ZNF385B: variants seen among roughly 807,000 people sequenced by gnomAD.
ZNF385B encodes the protein zinc finger protein 533.
ZNF385B carries 23 observed loss-of-function variants against 39.2 expected under a neutral mutation model. That is an observed-to-expected ratio of 0.59 (90% confidence interval 0.42 to 0.83). The LOEUF (loss-of-function observed/expected upper bound fraction) is 0.83, where lower values mean the gene tolerates loss of function less well. Ranked by LOEUF, ZNF385B falls within the 40% of genes least tolerant of loss-of-function variation. The pLI is 0.00. For synonymous variants in ZNF385B, 205 were observed against 222.6 expected (o/e 0.92, Z 0.70); for missense variants, 552 against 598.9 (o/e 0.92, Z 0.82).
intron 1 of ZNF385B, among the ~76,000 whole-genome samples, chr2:179,790,421 C>G (rs1044722229): frequency 3.3e-5 from 5 of 152,124 alleles, no homozygotes; most frequent in African/African-American, 1.2e-4. Flanking sequence ...TAAGCTTTTA[C>G]CCAAATCCAC....
At chr2:179,854,828 A>T (rs1684455218) in intron 1 of ZNF385B, among the ~76,000 whole-genome samples, 1 of 152,226 alleles carries the variant, frequency 6.6e-6, no homozygotes, top group African/African-American at 2.4e-5. Context: ...TTGTGTTATT[A>T]AAAAAGTACA....
intron 3 of ZNF385B, among the ~76,000 whole-genome samples, chr2:179,594,833 G>C (rs1687869086): frequency 6.8e-6 from 1 of 147,720 alleles, no homozygotes; most frequent in Non-Finnish European, 1.5e-5. Context: ...TTTTAGACAA[G>C]GTCTCATTCT....
At chr2:179,818,846 A>G (rs1421157326) in intron 1 of ZNF385B, among the ~76,000 whole-genome samples, 2 of 152,140 alleles carry the variant, frequency 1.3e-5, no homozygotes, top group Non-Finnish European at 2.9e-5. Context: ...AAAACCCAAG[A>G]TAAACCTGGA....
chr2:179,820,812 G>C (rs1707355728), intron 1 of ZNF385B, among the ~76,000 whole-genome samples: 1 of 152,044 alleles, frequency 6.6e-6, no homozygotes, highest in Admixed American at 6.6e-5. Flanking sequence ...ATAAATGGTG[G>C]ATGTTTGCTT....
intron 1 of ZNF385B, among the ~76,000 whole-genome samples, chr2:179,853,820 C>T (rs968025626): frequency 6.6e-6 from 1 of 152,066 alleles, no homozygotes; most frequent in Non-Finnish European, 1.5e-5. Context: ...ACTTGGTAAA[C>T]GAAAGCACAG....
intron 1 of ZNF385B, among the ~76,000 whole-genome samples, chr2:179,858,966 T>C (rs910121869): frequency 6.6e-6 from 1 of 152,198 alleles, no homozygotes; most frequent in Non-Finnish European, 1.5e-5. Flanking sequence ...TCCAGGGACT[T>C]AAGATCCTTG....
chr2:179,640,969 A>T (rs887246871), intron 3 of ZNF385B, among the ~76,000 whole-genome samples: 1 of 152,164 alleles, frequency 6.6e-6, no homozygotes, highest in Non-Finnish European at 1.5e-5. Context: ...CTCTGAAAAG[A>T]GTTATTTTCC....
chr2:179,472,948 G>A (rs1345115561), intron 6 of ZNF385B, among the ~76,000 whole-genome samples: 1 of 152,150 alleles, frequency 6.6e-6, no homozygotes, highest in Admixed American at 6.6e-5. Flanking sequence ...TGAAAACAAA[G>A]AAAAAGAGCT....
chr2:179,718,324 A>T (rs1700462261), intron 3 of ZNF385B, among the ~76,000 whole-genome samples: 1 of 148,894 alleles, frequency 6.7e-6, no homozygotes, highest in African/African-American at 2.4e-5. Flanking sequence ...AATCAATGAT[A>T]TATATTATCA....
At chr2:179,799,348 G>A (rs1010843669) in intron 1 of ZNF385B, among the ~76,000 whole-genome samples, 1 of 152,014 alleles carries the variant, frequency 6.6e-6, no homozygotes, top group Admixed American at 6.6e-5. Context: ...TTTAAAAGCT[G>A]GCTATTTCTG....
At chr2:179,610,477 G>A (rs1405965126) in intron 3 of ZNF385B, among the ~76,000 whole-genome samples, 2 of 152,062 alleles carry the variant, frequency 1.3e-5, no homozygotes, top group African/African-American at 4.8e-5. Context: ...ATAATTTGAA[G>A]TTAGATACTG....
At chr2:179,772,430 T>G (rs985695968) in intron 1 of ZNF385B, among the ~76,000 whole-genome samples, 1 of 152,106 alleles carries the variant, frequency 6.6e-6, no homozygotes, top group African/African-American at 2.4e-5. Flanking sequence ...AAATCCCAAT[T>G]TATTAGTCCT....
chr2:179,692,604 C>T (rs139548877), intron 3 of ZNF385B, among the ~76,000 whole-genome samples: 30 of 152,308 alleles, frequency 2.0e-4, no homozygotes, highest in African/African-American at 7.2e-4. Context: ...ACATGTATTA[C>T]TGCACTTTGA....
intron 3 of ZNF385B, among the ~76,000 whole-genome samples, chr2:179,712,047 C>T (rs1700040443): frequency 1.3e-5 from 2 of 151,978 alleles, no homozygotes; most frequent in African/African-American, 2.4e-5. Context: ...CTATTGAAGT[C>T]AATAGGTTCT....
rs1379228198 is a variant in ZNF385B at position 179,442,262 on chromosome 2, C to T, written c.*988G>A. The T allele has an allele frequency of 6.6e-6, 1 of 152,484 alleles. No homozygotes were observed. The highest frequency in any genetic ancestry group is 1.5e-5 in the Non-Finnish European group (1 of 68,012). The allele number at this position is 152,484 out of a possible 1,614,324, so 9.4% of individuals were successfully genotyped here. On this transcript the variant is annotated 3_prime_UTR_variant, in exon 10 of 10. Transcript: ENST00000410066. ...TGTACATTATTGCATTAGGGAGCCA[C>T]AAAATTATGTAGCATCATTACAAAT...
intron 1 of ZNF385B, among the ~76,000 whole-genome samples, chr2:179,832,816 A>G (rs1708053563): frequency 6.6e-6 from 1 of 152,236 alleles, no homozygotes; most frequent in African/African-American, 2.4e-5. Context: ...CACATTATGC[A>G]ATTAATTTTT....
intron 4 of ZNF385B, among the ~76,000 whole-genome samples, chr2:179,542,733 G>A (rs751977998): frequency 6.6e-6 from 1 of 152,076 alleles, no homozygotes; most frequent in Non-Finnish European, 1.5e-5. Context: ...TAACAGATTA[G>A]TGCTAATCAT....
At chr2:179,573,660 T>C (rs189489037) in intron 3 of ZNF385B, among the ~76,000 whole-genome samples, 81 of 152,200 alleles carry the variant, frequency 5.3e-4, no homozygotes, top group African/African-American at 1.8e-3. Flanking sequence ...AATTGTGCTA[T>C]GTGAATTTTT....
At position 179,682,491 on chromosome 2, in the gene ZNF385B, G is replaced by A. The variant is rs62175164; in HGVS notation, c.298+87012C>T. On this transcript the variant is annotated intron_variant, in intron 3 of 9. Transcript: ENST00000410066. ...TCCCAAAATCCTGGCAATCATTTCCGTGTTCACTTACCACATTCAGATGAC... is the reference window on the plus strand; with the variant it reads ...TCCCAAAATCCTGGCAATCATTTCCATGTTCACTTACCACATTCAGATGAC... 2.0e-3 allele frequency among the ~76,000 whole-genome samples: 305 copies of A among 151,990 alleles called. 2 individuals are homozygous for A. Among genetic ancestry groups the A allele is most frequent in the African/African-American group, 6.9e-3 (285 of 41,416 alleles).
Sources: allele counts gnomAD v4.1 joint callset (sites outside exome capture counted in the v4.1 genomes callset), GRCh38; gene constraint gnomAD v4.1.1; transcripts MANE v1.5; gene names NCBI Gene and HGNC (gene_info 2026-07-23, HGNC 2026-07-21).